Variants in SYNPO2 observed in about 807,000 individuals in gnomAD.
SYNPO2 encodes synaptopodin-2.
A neutral mutation model predicts 85.0 loss-of-function variants in SYNPO2; 56 were observed. The ratio of observed to expected loss-of-function variants is 0.66; its 90% CI spans 0.53 to 0.82. The LOEUF (loss-of-function observed/expected upper bound fraction) is 0.82. Among genes scored for constraint, SYNPO2 ranks in the 40% least tolerant of loss-of-function variants. The pLI, the probability that SYNPO2 is intolerant of heterozygous loss-of-function variation, is 0.00. For synonymous variants in SYNPO2, 602 were observed against 591.1 expected (o/e 1.02, Z -0.27); for missense variants, 1,575 against 1,534.2 (o/e 1.03, Z -0.44).
At chr4:118,929,987 A>T (rs1382632675) in intron 1 of SYNPO2, among the ~76,000 whole-genome samples, 2 of 152,172 alleles carry the variant, frequency 1.3e-5, no homozygotes, top group Non-Finnish European at 2.9e-5. Flanking sequence ...TTATAATGAT[A>T]AACGTCTTTA....
chr4:118,944,395 A>T (rs2149139257), intron 1 of SYNPO2, among the ~76,000 whole-genome samples: 1 of 152,214 alleles, frequency 6.6e-6, no homozygotes, highest in South Asian at 2.1e-4. Flanking sequence ...CTAACTCCTT[A>T]ATTATTTTTG....
At chr4:118,861,301 C>T (rs56762141) in intron 1 of SYNPO2, among the ~76,000 whole-genome samples, 8,493 of 152,054 alleles carry the variant, frequency 0.056, 275 homozygotes, top group Non-Finnish European at 0.064. Flanking sequence ...TACAGGCACC[C>T]GCCACCACAC....
At chr4:119,032,929 T>TTGGCCCCCC in intron 4 of SYNPO2, 1 of 905,320 alleles carries the variant, frequency 1.1e-6, no homozygotes, top group Non-Finnish European at 1.3e-6. Context: ...AAAGGTTGAT[T>TTGGCCCCCC]CCCACCCTCC....
At chr4:118,852,983 A>C (rs1731445111) in intron 1 of SYNPO2, among the ~76,000 whole-genome samples, 1 of 152,244 alleles carries the variant, frequency 6.6e-6, no homozygotes, top group Non-Finnish European at 1.5e-5. Flanking sequence ...GCTTTTAAAT[A>C]TTAAGAAATT....
At chr4:119,044,469 AG>A (rs1738815965) in intron 4 of SYNPO2, among the ~76,000 whole-genome samples, 1 of 152,238 alleles carries the variant, frequency 6.6e-6, no homozygotes, top group African/African-American at 2.4e-5. Context: ...TCTGTGCTTA[AG>A]AAAACAAGCT....
At chr4:118,883,415 A>G (rs983744790) in intron 1 of SYNPO2, among the ~76,000 whole-genome samples, 33 of 152,184 alleles carry the variant, frequency 2.2e-4, no homozygotes, top group Non-Finnish European at 2.5e-4. Flanking sequence ...GCCAATATGA[A>G]ATTATTGCAG....
intron 1 of SYNPO2, among the ~76,000 whole-genome samples, chr4:118,918,117 G>T (rs1187737453): frequency 1.3e-5 from 2 of 152,026 alleles, no homozygotes; most frequent in African/African-American, 4.8e-5. Context: ...CAAATTCTTT[G>T]CCATACAAAT....
At chr4:118,861,671 T>C (rs895884608) in intron 1 of SYNPO2, among the ~76,000 whole-genome samples, 1 of 152,190 alleles carries the variant, frequency 6.6e-6, no homozygotes, top group Non-Finnish European at 1.5e-5. Flanking sequence ...GGATTTATTA[T>C]GGCTTCTCTG....
intron 1 of SYNPO2, among the ~76,000 whole-genome samples, chr4:119,016,233 C>A (rs955065046): frequency 6.6e-6 from 1 of 152,080 alleles, no homozygotes; most frequent in Non-Finnish European, 1.5e-5. Flanking sequence ...ACCAGCCTGG[C>A]CAACATGGCA....
chr4:119,007,534 T>C (rs374192467), intron 1 of SYNPO2, among the ~76,000 whole-genome samples: 28 of 152,030 alleles, frequency 1.8e-4, no homozygotes, highest in African/African-American at 6.0e-4. Context: ...GATCGTATGC[T>C]TATATGGCAT....
chr4:119,004,423 G>A (rs1736943020), intron 1 of SYNPO2, among the ~76,000 whole-genome samples: 3 of 143,696 alleles, frequency 2.1e-5, no homozygotes, highest in Admixed American at 1.4e-4. Context: ...TCCCCTTCCT[G>A]TGTCCATGTG....
intron 1 of SYNPO2, among the ~76,000 whole-genome samples, chr4:118,983,984 G>C (rs1390295658): frequency 1.2e-4 from 19 of 152,128 alleles, no homozygotes; most frequent in Non-Finnish European, 7.4e-5. Context: ...TTTGTAAGTT[G>C]ACTGGACATG....
At chr4:119,019,859 G>A (rs937152629) in intron 1 of SYNPO2, among the ~76,000 whole-genome samples, 1 of 152,120 alleles carries the variant, frequency 6.6e-6, no homozygotes, top group African/African-American at 2.4e-5. Context: ...TCCAAGACTA[G>A]TGGCTTAAGG....
At chr4:119,040,977 C>G (rs1738694312) in intron 4 of SYNPO2, among the ~76,000 whole-genome samples, 1 of 152,192 alleles carries the variant, frequency 6.6e-6, no homozygotes, top group South Asian at 2.1e-4. Context: ...TCGGCCTGAA[C>G]AGAGCAAACT....
chr4:118,858,102 C>A (rs1447300218), intron 1 of SYNPO2, among the ~76,000 whole-genome samples: 1 of 152,156 alleles, frequency 6.6e-6, no homozygotes, highest in East Asian at 1.9e-4. Context: ...AGGGCTGTAG[C>A]CTCCTTTACA....
chr4:118,882,218 C>G (rs995294910), intron 1 of SYNPO2, among the ~76,000 whole-genome samples: 3 of 152,106 alleles, frequency 2.0e-5, no homozygotes, highest in African/African-American at 7.2e-5. Context: ...TTCAAAGCTC[C>G]AAATTTTAAC....
At chr4:118,881,354 A>G (rs987425659) in intron 1 of SYNPO2, among the ~76,000 whole-genome samples, 3 of 151,930 alleles carry the variant, frequency 2.0e-5, no homozygotes, top group Non-Finnish European at 4.4e-5. Flanking sequence ...ACCTGTCCAG[A>G]GGGAAGACCA....
At chr4:119,050,317 A>G (rs1340076779) in intron 4 of SYNPO2, among the ~76,000 whole-genome samples, 1 of 151,782 alleles carries the variant, frequency 6.6e-6, no homozygotes, top group African/African-American at 2.4e-5. Flanking sequence ...GGGTGACAAG[A>G]GCGAGATTCT....
chr4:118,954,240 A>C (rs1734794238), intron 1 of SYNPO2, among the ~76,000 whole-genome samples: 1 of 152,184 alleles, frequency 6.6e-6, no homozygotes, highest in South Asian at 2.1e-4. Context: ...ACAAAAAGTC[A>C]CTTAAAACAC....
Sources: allele counts gnomAD v4.1 joint callset (sites outside exome capture counted in the v4.1 genomes callset), GRCh38; gene constraint gnomAD v4.1.1; transcripts MANE v1.5; gene names NCBI Gene and HGNC (gene_info 2026-07-23, HGNC 2026-07-21).